Variants in PCDH9 observed in about 807,000 individuals in gnomAD.
The protein encoded by PCDH9 is protocadherin-9.
A neutral mutation model predicts 70.6 loss-of-function variants in PCDH9; 24 were observed. The observed-to-expected ratio is 0.34, with a 90% confidence interval of 0.25 to 0.48. PCDH9 has a LOEUF of 0.48. Among genes scored for constraint, PCDH9 ranks in the 20% least tolerant of loss-of-function variants. The pLI, the probability that PCDH9 is intolerant of heterozygous loss-of-function variation, is 0.99. For synonymous variants in PCDH9, 562 were observed against 558.5 expected (o/e 1.01, Z -0.09); for missense variants, 1,281 against 1,503.6 (o/e 0.85, Z 2.45).
intron 4 of PCDH9, among the ~76,000 whole-genome samples, chr13:66,406,675 A>G (rs559536504): frequency 6.6e-6 from 1 of 152,292 alleles, no homozygotes; most frequent in South Asian, 2.1e-4. Context: ...TAATCTCTGC[A>G]TTACTTAGAA....
At chr13:66,721,334 A>G (rs1246721901) in intron 3 of PCDH9, among the ~76,000 whole-genome samples, 1 of 152,152 alleles carries the variant, frequency 6.6e-6, no homozygotes, top group African/African-American at 2.4e-5. Flanking sequence ...TCAACACATT[A>G]CCTATTCTCA....
chr13:66,932,681 T>TATACACACAC (rs1313632174), intron 2 of PCDH9, among the ~76,000 whole-genome samples: 5 of 114,842 alleles, frequency 4.4e-5, no homozygotes, highest in African/African-American at 1.7e-4. Flanking sequence ...TATATATATA[T>TATACACACAC]ACACACACAC....
intron 4 of PCDH9, among the ~76,000 whole-genome samples, chr13:66,466,034 T>C (rs145963385): frequency 6.6e-6 from 1 of 152,104 alleles, no homozygotes; most frequent in East Asian, 1.9e-4. Context: ...ATAAAAAATA[T>C]AGAAACCTGG....
intron 4 of PCDH9, among the ~76,000 whole-genome samples, chr13:66,427,483 T>A (rs760381881): frequency 2.6e-5 from 4 of 151,730 alleles, no homozygotes; most frequent in Non-Finnish European, 5.9e-5. Flanking sequence ...TACATAGACA[T>A]GTGTTTTGTG....
chr13:66,689,129 C>A lies in PCDH9; in HGVS notation c.3139-57718G>T, dbSNP rs371883101. 3.3e-5 allele frequency among the ~76,000 whole-genome samples: 5 copies of A among 152,204 alleles called. No homozygotes were observed. In the East Asian group the frequency reaches 7.7e-4, roughly 24 times the overall value. ...ATATATGCTATCCTTATAAATTCTG[C>A]TTTCATTTTCAAATATTGAGCCTTA... On this transcript the variant is annotated intron_variant, in intron 3 of 4. Transcript: ENST00000377865.
At chr13:66,415,404 G>A (rs1399073425) in intron 4 of PCDH9, among the ~76,000 whole-genome samples, 1 of 152,196 alleles carries the variant, frequency 6.6e-6, no homozygotes, top group East Asian at 1.9e-4. Flanking sequence ...ACTCTGCATT[G>A]CCACACTTGT....
chr13:67,045,524 G>T (rs1013244215), intron 2 of PCDH9, among the ~76,000 whole-genome samples: 1 of 151,580 alleles, frequency 6.6e-6, no homozygotes, highest in African/African-American at 2.4e-5. Flanking sequence ...GCTTGATAAT[G>T]CAGTGGTATT....
At chr13:66,338,257 C>G (rs2138137881) in intron 4 of PCDH9, among the ~76,000 whole-genome samples, 1 of 152,120 alleles carries the variant, frequency 6.6e-6, no homozygotes, top group African/African-American at 2.4e-5. Flanking sequence ...TCCCTAACAC[C>G]TGTCTTTCTT....
intron 4 of PCDH9, among the ~76,000 whole-genome samples, chr13:66,399,407 G>T (rs113230282): frequency 6.6e-6 from 1 of 152,104 alleles, no homozygotes; most frequent in East Asian, 1.9e-4. Context: ...TGTTCAAGTG[G>T]TTTAGACAGG....
intron 3 of PCDH9, among the ~76,000 whole-genome samples, chr13:66,694,765 T>A (rs2078535839): frequency 6.6e-6 from 1 of 152,094 alleles, no homozygotes; most frequent in Admixed American, 6.6e-5. Context: ...TATATTTATA[T>A]TTAAAAGTTG....
intron 4 of PCDH9, among the ~76,000 whole-genome samples, chr13:66,367,508 C>T (rs1380758186): frequency 1.3e-5 from 2 of 152,124 alleles, no homozygotes; most frequent in African/African-American, 4.8e-5. Flanking sequence ...TCCAGGGAAG[C>T]ATTTTTAACT....
chr13:66,629,946 C>A (rs1258424398), intron 4 of PCDH9, among the ~76,000 whole-genome samples: 1 of 152,176 alleles, frequency 6.6e-6, no homozygotes, highest in East Asian at 1.9e-4. Context: ...TATCACACAA[C>A]TGGCTAAGAA....
At chr13:67,108,872 A>T (rs12184736) in intron 2 of PCDH9, among the ~76,000 whole-genome samples, 18,504 of 152,162 alleles carry the variant, frequency 0.12, 1,201 homozygotes, top group African/African-American at 0.15. Flanking sequence ...TAACATTGTA[A>T]TATGGGCCCA....
rs533209536 is a variant in PCDH9 at position 66,339,831 on chromosome 13, T to TC, written c.3341-34804dup. Among the ~76,000 whole-genome samples the TC allele has an allele frequency of 3.3e-4, 51 of 152,288 alleles. No homozygotes were observed. In the East Asian group the frequency reaches 8.3e-3, roughly 25 times the overall value. ...ATAGCAACCTGTGGCTTCTTCTAGT[T>TC]CACTTCTTTGGTTTTCTTCACCACT... On this transcript the variant is annotated intron_variant, in intron 4 of 4. Transcript: ENST00000377865.
intron 2 of PCDH9, among the ~76,000 whole-genome samples, chr13:67,100,880 C>A (rs1478890500): frequency 6.6e-6 from 1 of 152,096 alleles, no homozygotes; most frequent in Non-Finnish European, 1.5e-5. Context: ...AGAAGTAGTG[C>A]AGAGAATAAA....
chr13:66,934,893 T>C (rs1010618902), intron 2 of PCDH9, among the ~76,000 whole-genome samples: 2 of 148,858 alleles, frequency 1.3e-5, no homozygotes, highest in African/African-American at 4.9e-5. Context: ...GCTAATTTTT[T>C]GTATTTTTAG....
At chr13:66,937,665 T>C (rs1356729748) in intron 2 of PCDH9, among the ~76,000 whole-genome samples, 1 of 152,206 alleles carries the variant, frequency 6.6e-6, no homozygotes, top group Non-Finnish European at 1.5e-5. Context: ...TATGCACTTG[T>C]AACAATGGCT....
chr13:66,782,439 G>A (rs2080013819), intron 3 of PCDH9, among the ~76,000 whole-genome samples: 1 of 151,976 alleles, frequency 6.6e-6, no homozygotes, highest in South Asian at 2.1e-4. Flanking sequence ...GCCCAATGTG[G>A]TAGTCACAAC....
chr13:67,207,189 T>C (rs2089371391), intron 2 of PCDH9: 1 of 152,028 alleles, frequency 6.6e-6, no homozygotes, highest in African/African-American at 2.4e-5. Context: ...ATTTTTTTTT[T>C]AACCTTTAAA....
Sources: allele counts gnomAD v4.1 joint callset (sites outside exome capture counted in the v4.1 genomes callset), GRCh38; gene constraint gnomAD v4.1.1; transcripts MANE v1.5; gene names NCBI Gene and HGNC (gene_info 2026-07-23, HGNC 2026-07-21).